RNF111: variants seen among roughly 807,000 people sequenced by gnomAD.
The protein encoded by RNF111 is E3 ubiquitin-protein ligase Arkadia.
Under a neutral mutation model 95.1 loss-of-function variants are expected in RNF111, and 17 were observed. The ratio of observed to expected loss-of-function variants is 0.18; its 90% CI spans 0.12 to 0.27. The LOEUF (loss-of-function observed/expected upper bound fraction) is 0.27, where lower values mean the gene tolerates loss of function less well. Ranked by LOEUF, RNF111 falls within the 10% of genes least tolerant of loss-of-function variation. The pLI, the probability that RNF111 is intolerant of heterozygous loss-of-function variation, is 1.00. For missense variants in RNF111, 1,189 were observed against 1,210.4 expected (o/e 0.98, Z 0.26); for synonymous variants, 440 against 414.8 (o/e 1.06, Z -0.74).
At chr15:59,064,670 C>T (rs988074231) in intron 5 of RNF111, among the ~76,000 whole-genome samples, 8 of 151,774 alleles carry the variant, frequency 5.3e-5, no homozygotes, top group African/African-American at 1.5e-4. Flanking sequence ...TTCACAGACG[C>T]GTGAATTCTA....
At chr15:58,994,637 C>G (rs1020503711) in intron 1 of RNF111, among the ~76,000 whole-genome samples, 6 of 151,844 alleles carry the variant, frequency 4.0e-5, no homozygotes, top group African/African-American at 1.5e-4. Flanking sequence ...GCCACCACGT[C>G]CAGCTAATTT....
At chr15:59,022,007 G>A (rs1258293028) in intron 1 of RNF111, among the ~76,000 whole-genome samples, 1 of 151,852 alleles carries the variant, frequency 6.6e-6, no homozygotes, top group Non-Finnish European at 1.5e-5. Context: ...CTACAGGCGC[G>A]TGCCACCATG....
At chr15:59,009,062 C>T (rs2039670477) in intron 1 of RNF111, among the ~76,000 whole-genome samples, 1 of 152,130 alleles carries the variant, frequency 6.6e-6, no homozygotes, top group Non-Finnish European at 1.5e-5. Flanking sequence ...TGGGTTCAAG[C>T]GATTCTCTTG....
chr15:59,090,512 A>C (rs1467105592), intron 11 of RNF111, among the ~76,000 whole-genome samples: 1 of 152,102 alleles, frequency 6.6e-6, no homozygotes, highest in Non-Finnish European at 1.5e-5. Context: ...TTACAGGCGC[A>C]AGCCACCGCA....
At chr15:59,053,522 C>T (rs770396007) in intron 3 of RNF111, among the ~76,000 whole-genome samples, 1 of 152,124 alleles carries the variant, frequency 6.6e-6, no homozygotes, top group Non-Finnish European at 1.5e-5. Flanking sequence ...CATGCTTTTC[C>T]ACTTGCCATT....
intron 1 of RNF111, among the ~76,000 whole-genome samples, chr15:59,027,352 G>C (rs2040667842): frequency 6.6e-6 from 1 of 152,004 alleles, no homozygotes. Context: ...TAGAAATCTT[G>C]ATACTTTTCC....
At chr15:59,039,804 C>T (rs1378371226) in intron 2 of RNF111, among the ~76,000 whole-genome samples, 1 of 151,922 alleles carries the variant, frequency 6.6e-6, no homozygotes, top group Non-Finnish European at 1.5e-5. Context: ...ACAACCTCTG[C>T]CTCCCAGGTT....
intron 1 of RNF111, among the ~76,000 whole-genome samples, chr15:59,012,175 C>T (rs1347391292): frequency 2.0e-5 from 3 of 151,854 alleles, no homozygotes; most frequent in Non-Finnish European, 4.4e-5. Context: ...TGCATCTCCA[C>T]ACCCGGCTGA....
At chr15:59,055,900 T>A in intron 4 of RNF111, 55 bp downstream of exon 4, 1 of 1,420,184 alleles carries the variant, frequency 7.0e-7, no homozygotes, top group Admixed American at 2.0e-5. Flanking sequence ...TAAAAGGAAA[T>A]CTCTTAATAT....
At position 59,000,216 on chromosome 15, in the gene RNF111, T is replaced by G. The variant is rs1390025250; in HGVS notation, c.-20+12148T>G. Reference sequence around the variant, plus strand: ...TCTCTCTCTGTTACCCAGGCTAGAGTGCAGTGGTGAGATCTTAGTTCACTA... The same window carrying G: ...TCTCTCTCTGTTACCCAGGCTAGAGGGCAGTGGTGAGATCTTAGTTCACTA... On this transcript the variant is annotated intron_variant, in intron 1 of 13. Transcript: ENST00000348370. Among the ~76,000 whole-genome samples, 8 of 147,094 alleles carry G rather than the reference T, an allele frequency of 5.4e-5. No homozygotes were observed. In the South Asian group the frequency reaches 1.7e-3, roughly 32 times the overall value.
intron 1 of RNF111, among the ~76,000 whole-genome samples, chr15:58,998,849 T>C (rs2039200030): frequency 1.3e-5 from 2 of 152,228 alleles, no homozygotes; most frequent in African/African-American, 4.8e-5. Context: ...CATAATGAAA[T>C]GTGTCATGTT....
At chr15:59,047,441 G>C (rs1435503511) in intron 2 of RNF111, among the ~76,000 whole-genome samples, 2 of 152,112 alleles carry the variant, frequency 1.3e-5, no homozygotes, top group African/African-American at 4.8e-5. Flanking sequence ...GCTGCAGTGA[G>C]CTATTATCGT....
chr15:59,082,759 T>G (rs2078784227), intron 8 of RNF111, among the ~76,000 whole-genome samples: 1 of 152,206 alleles, frequency 6.6e-6, no homozygotes, highest in Non-Finnish European at 1.5e-5. Flanking sequence ...TGCCAAACTC[T>G]TGATCTAATT....
chr15:59,093,579 C>G (rs997744147), intron 13 of RNF111: 3 of 262,782 alleles, frequency 1.1e-5, no homozygotes, highest in African/African-American at 4.7e-5. Context: ...TCCCTTCTTG[C>G]ACCTTTGTTG....
At chr15:59,074,476 A>G (rs1202373370) in intron 6 of RNF111, among the ~76,000 whole-genome samples, 11 of 152,136 alleles carry the variant, frequency 7.2e-5, no homozygotes, top group African/African-American at 1.2e-4. Flanking sequence ...TTGCACTTTT[A>G]TCTTATAGAG....
At chr15:59,054,833 G>C (rs2042139255) in intron 3 of RNF111, among the ~76,000 whole-genome samples, 1 of 152,098 alleles carries the variant, frequency 6.6e-6, no homozygotes, top group Non-Finnish European at 1.5e-5. Context: ...CTGACAATAA[G>C]GTTATAAGCA....
rs1433878920 is a variant in RNF111 at position 59,059,644 on chromosome 15, A to C, written c.1366+1094A>C. Among the ~76,000 whole-genome samples the C allele has an allele frequency of 3.3e-5, 5 of 152,146 alleles. 1 individual carries two copies. The highest frequency in any genetic ancestry group is 5.9e-5 in the Non-Finnish European group (4 of 68,030). ...ACCGTTGCCTAATCCAGGGTCACAA[A>C]AATTTATTCTGGAGCTTTCTTTAGT... On this transcript the variant is annotated intron_variant, in intron 5 of 13. Transcript: ENST00000348370.
chr15:59,090,941 ACT>A, intron 11 of RNF111, 116 bp from the exon 12 acceptor site: 1 of 578,682 alleles, frequency 1.7e-6, no homozygotes. Context: ...TTTTTTGAAC[ACT>A]GTATTTATAT....
At chr15:59,003,294 A>G (rs1464788810) in intron 1 of RNF111, among the ~76,000 whole-genome samples, 2 of 151,400 alleles carry the variant, frequency 1.3e-5, no homozygotes, top group Admixed American at 1.3e-4. Context: ...TTGTAGAGAC[A>G]TGCTTTTGCC....
Sources: gnomAD v4.1 joint callset for allele counts (sites outside exome capture counted in the v4.1 genomes callset) on GRCh38, gnomAD v4.1.1 for gene constraint, MANE v1.5 for transcripts, NCBI Gene and HGNC (gene_info 2026-07-23, HGNC 2026-07-21) for gene names.